The following SLC26A8 variants were observed in gnomAD, a reference collection of about 807,000 sequenced individuals.
SLC26A8 encodes the protein testis anion transporter 1.
Under a neutral mutation model 105.0 loss-of-function variants are expected in SLC26A8, and 70 were observed. The ratio of observed to expected loss-of-function variants is 0.67; its 90% CI spans 0.55 to 0.81. The LOEUF (loss-of-function observed/expected upper bound fraction) is 0.81. Ranked by LOEUF, SLC26A8 falls within the 40% of genes least tolerant of loss-of-function variation. The pLI is 0.00. For missense variants in SLC26A8, 998 were observed against 1,181.8 expected, an observed-to-expected ratio of 0.84 and a Z score of 2.28; for synonymous variants, 415 against 438.3, an observed-to-expected ratio of 0.95 and a Z score of 0.66.
At chr6:35,991,368 C>T (rs1428999619) in intron 7 of SLC26A8, among the ~76,000 whole-genome samples, 3 of 145,504 alleles carry the variant, frequency 2.1e-5, no homozygotes, top group African/African-American at 5.1e-5. Context: ...TGCACCACTG[C>T]ACTCCATCCT....
At chr6:35,995,730 C>T (rs1197774551) in intron 5 of SLC26A8, among the ~76,000 whole-genome samples, 1 of 151,810 alleles carries the variant, frequency 6.6e-6, no homozygotes, top group Admixed American at 6.6e-5. Context: ...AGGCTGGTCT[C>T]AAACTCCTGG....
Position 35,975,418 on chromosome 6 carries a change from A to G in SLC26A8, c.1244T>C (p.Ile415Thr). The G allele has an allele frequency of 6.2e-7, 1 of 1,613,708 alleles. No individual in the cohort carries two copies. The change falls in exon 10 of 20, where the codon ATT becomes ACT. Residue 415 changes from isoleucine to threonine, a missense_variant. Coordinates refer to ENST00000490799, the MANE Select transcript of SLC26A8 (RefSeq NM_052961.4). ...FFRSCVFTGA[I>T]ARTIIQDKSG... ...TTTATCCTGGATAATAGTCCTAGCAATAGCACCAGTAAACACACAAGATCT... is the reference window on the plus strand; with the variant it reads ...TTTATCCTGGATAATAGTCCTAGCAGTAGCACCAGTAAACACACAAGATCT...
At chr6:35,956,937 AC>A (rs1033695313) in intron 16 of SLC26A8, among the ~76,000 whole-genome samples, 3 of 142,914 alleles carry the variant, frequency 2.1e-5, no homozygotes, top group Non-Finnish European at 4.6e-5. Flanking sequence ...AAAAAAAAAA[AC>A]AAAAGCTGGG....
At chr6:35,948,278 T>C (rs147389862) in intron 19 of SLC26A8, among the ~76,000 whole-genome samples, 60 of 152,302 alleles carry the variant, frequency 3.9e-4, no homozygotes, top group African/African-American at 1.4e-3. Context: ...AAGTGTATTA[T>C]ACAGCAATAC....
Position 35,960,879 on chromosome 6 carries a change from G to A in SLC26A8, c.1602C>T (p.Asn534=), listed in dbSNP as rs1325866137. 6.2e-7 allele frequency: 1 copy of A among 1,614,078 alleles called. No homozygotes were observed. Among genetic ancestry groups the A allele is most frequent in the Non-Finnish European group, 8.5e-7 (1 of 1,180,040 alleles). ...CATTGATGCTTCTATAAATGTTGGT[G>A]TTAGGGATTTGACCCAGGAGAAGAA... The part of the protein sequence containing the change: ...AKILLLGQIP[N]TNIYRSINDY... The change falls in exon 14 of 20, where the codon AAC becomes AAT. Residue 534 remains asparagine, a synonymous_variant. Transcript: ENST00000490799.
chr6:35,975,708 G>A (rs1320252464), intron 9 of SLC26A8, among the ~76,000 whole-genome samples: 1 of 151,872 alleles, frequency 6.6e-6, no homozygotes, highest in African/African-American at 2.4e-5. Context: ...GAGGTCGGGA[G>A]TTTGAGACAA....
Position 36,019,655 on chromosome 6 carries a change from C to T in SLC26A8, c.53G>A (p.Arg18Gln), listed in dbSNP as rs771506667. ...CTTAACATCATATGCGAATGAGTTT[C>T]GCCTGGACTTAGAGCTGAAGCCAGA... Reference protein sequence around the residue: ...AISGFSSKSRRNSFAYDVKRE... With the variant: ...AISGFSSKSRQNSFAYDVKRE... Residue 18 changes from arginine (R) to glutamine (Q), a missense_variant, in exon 2 of 20, where the codon CGA becomes CAA. Transcript: ENST00000490799. The T allele has an allele frequency of 3.5e-5, 56 of 1,613,970 alleles. No individual in the cohort carries two copies. The highest frequency in any genetic ancestry group is 1.6e-4 in the Middle Eastern group (1 of 6,084).
intron 9 of SLC26A8, 27 bp from the exon 10 acceptor site, chr6:35,975,515 G>A: frequency 6.9e-7 from 1 of 1,446,774 alleles, no homozygotes. Context: ...GATGCTTTAG[G>A]CCCCCGTTTT....
chr6:36,018,200 C>A (rs1762042783), intron 2 of SLC26A8, among the ~76,000 whole-genome samples: 1 of 152,224 alleles, frequency 6.6e-6, no homozygotes, highest in South Asian at 2.1e-4. Flanking sequence ...TCAAACAGAT[C>A]TCCTGTGCCA....
intron 10 of SLC26A8, among the ~76,000 whole-genome samples, chr6:35,974,970 C>T (rs1466764532): frequency 6.6e-6 from 1 of 150,882 alleles, no homozygotes; most frequent in East Asian, 1.9e-4. Flanking sequence ...GTTAGCCAGG[C>T]TGGTCTCAAA....
chr6:36,023,772 A>G (rs116089958), intron 1 of SLC26A8, among the ~76,000 whole-genome samples: 1,699 of 152,142 alleles, frequency 0.011, 23 homozygotes, highest in African/African-American at 0.038. Flanking sequence ...ACAACCCTAC[A>G]CCTGTTACTA....
chr6:35,956,300 C>G (rs772117056), intron 16 of SLC26A8, among the ~76,000 whole-genome samples: 1 of 151,348 alleles, frequency 6.6e-6, no homozygotes, highest in Non-Finnish European at 1.5e-5. Context: ...AGCTGGCACA[C>G]GCCTATTGTC....
chr6:35,969,001 G>C (rs757632551), intron 10 of SLC26A8, 47 bp from the exon 11 acceptor site: 5 of 1,552,866 alleles, frequency 3.2e-6, no homozygotes, highest in Non-Finnish European at 4.4e-6. Context: ...GAACGTATTG[G>C]TCCCTGTCTG....
intron 5 of SLC26A8, among the ~76,000 whole-genome samples, chr6:35,993,816 A>G (rs1761261675): frequency 6.6e-6 from 1 of 152,170 alleles, no homozygotes; most frequent in Non-Finnish European, 1.5e-5. Flanking sequence ...GCTTGAGCTC[A>G]GGAATTTGAG....
chr6:35,965,682 CAAAAAAA>C (rs1293607391), intron 11 of SLC26A8, among the ~76,000 whole-genome samples: 1 of 68,950 alleles, frequency 1.5e-5, no homozygotes, highest in Non-Finnish European at 2.9e-5. Flanking sequence ...AACTCCATCT[CAAAAAAA>C]AAAAAAAAAA....
intron 4 of SLC26A8, among the ~76,000 whole-genome samples, chr6:35,998,937 C>T (rs1280827058): frequency 1.3e-5 from 2 of 152,000 alleles, no homozygotes; most frequent in African/African-American, 2.4e-5. Context: ...TCTTGTTGCC[C>T]AGGCTGGAGT....
intron 12 of SLC26A8, among the ~76,000 whole-genome samples, chr6:35,961,428 C>G (rs562417828): frequency 1.1e-4 from 16 of 152,210 alleles, no homozygotes; most frequent in Non-Finnish European, 1.8e-4. Flanking sequence ...GAATACTCAC[C>G]AAATGGTAGT....
At chr6:35,979,089 C>G (rs369087819) in intron 8 of SLC26A8, among the ~76,000 whole-genome samples, 5 of 147,336 alleles carry the variant, frequency 3.4e-5, no homozygotes, top group African/African-American at 1.3e-4. Flanking sequence ...TGAGCTCAAG[C>G]GATTCGCCTG....
At chr6:35,999,193 C>T (rs375807350) in intron 4 of SLC26A8, among the ~76,000 whole-genome samples, 3 of 152,252 alleles carry the variant, frequency 2.0e-5, no homozygotes, top group African/African-American at 7.2e-5. Flanking sequence ...CGTACCTGGC[C>T]AAGCTATTCT....
Sources: allele counts gnomAD v4.1 joint callset (sites outside exome capture counted in the v4.1 genomes callset), GRCh38; gene constraint gnomAD v4.1.1; transcripts MANE v1.5; gene names NCBI Gene and HGNC (gene_info 2026-07-23, HGNC 2026-07-21).